Variants in TXNDC16 observed in about 807,000 individuals in gnomAD.
TXNDC16 encodes the protein thioredoxin domain-containing protein 16.
A neutral mutation model predicts 85.6 loss-of-function variants in TXNDC16; 74 were observed. The ratio of observed to expected loss-of-function variants is 0.86; its 90% CI spans 0.72 to 1.05. TXNDC16 has a LOEUF of 1.05. Ranked by LOEUF, TXNDC16 falls within the 50% of genes least tolerant of loss-of-function variation. TXNDC16 has a pLI of 0.00. For missense variants in TXNDC16, 959 were observed against 947.0 expected (o/e 1.01, Z -0.17); for synonymous variants, 335 against 326.5 (o/e 1.03, Z -0.28).
At chr14:52,530,259 A>ATAATAATATATATATTATTATATAC in intron 6 of TXNDC16, among the ~76,000 whole-genome samples, 1 of 26,420 alleles carries the variant, frequency 3.8e-5, no homozygotes, top group Admixed American at 8.4e-4. Context: ...TATATATTAT[A>ATAATAATATATATATTATTATATAC]TAATATATAT....
intron 16 of TXNDC16, among the ~76,000 whole-genome samples, chr14:52,465,590 T>G (rs2035755193): frequency 1.0e-5 from 1 of 96,098 alleles, no homozygotes; most frequent in Admixed American, 1.3e-4. Context: ...AGACTCCATC[T>G]CAAAAAAAAA....
At chr14:52,450,450 A>AG (rs928398810) in intron 18 of TXNDC16, among the ~76,000 whole-genome samples, 5 of 141,138 alleles carry the variant, frequency 3.5e-5, no homozygotes, top group African/African-American at 1.1e-4. Flanking sequence ...AAAGGCTTCC[A>AG]GAAAAAAAAA....
At position 52,455,412 on chromosome 14, in the gene TXNDC16, G is replaced by C. The variant is rs1186277277; in HGVS notation, c.1754C>G (p.Thr585Arg). Reference protein sequence around the residue: ...SLPALLLARHTEGKIESIPLA... With the variant: ...SLPALLLARHREGKIESIPLA... ...TGGGATGCTCTCTATTTTGCCTTCT[G>C]TGTGTCTGGCAAGCAGCAGGGCTGG... Residue 585 changes from threonine to arginine, a missense_variant, in exon 18 of 21, where the codon ACA (threonine) becomes AGA (arginine). By Grantham distance (71) the Thr-to-Arg change is moderately conservative. Coordinates refer to ENST00000281741, the MANE Select transcript of TXNDC16 (RefSeq NM_020784.3). 1 of 1,614,014 alleles carries C rather than the reference G, an allele frequency of 6.2e-7. No homozygotes were observed. The highest frequency in any genetic ancestry group is 8.5e-7 in the Non-Finnish European group (1 of 1,179,934).
chr14:52,506,883 TCAA>T (rs2140176439), intron 9 of TXNDC16, among the ~76,000 whole-genome samples: 1 of 150,814 alleles, frequency 6.6e-6, no homozygotes, highest in South Asian at 2.1e-4. Flanking sequence ...CTAAAAACTC[TCAA>T]CAACTTAGGT....
At chr14:52,441,799 T>C (rs1378620712) in intron 18 of TXNDC16, among the ~76,000 whole-genome samples, 1 of 152,170 alleles carries the variant, frequency 6.6e-6, no homozygotes, top group African/African-American at 2.4e-5. Context: ...GCACTCTTTT[T>C]ATCTTAGAAA....
chr14:52,505,836 A>G (rs1238697444), intron 9 of TXNDC16, among the ~76,000 whole-genome samples: 2 of 152,198 alleles, frequency 1.3e-5, no homozygotes, highest in Non-Finnish European at 2.9e-5. Context: ...CAAGACTAAT[A>G]AAGAAGAAAA....
chr14:52,551,205 A>G (rs1179879778), intron 1 of TXNDC16, among the ~76,000 whole-genome samples: 1 of 152,024 alleles, frequency 6.6e-6, no homozygotes, highest in Admixed American at 6.6e-5. Flanking sequence ...TAGACTTTAA[A>G]GTTCCCTGTG....
At position 52,495,062 on chromosome 14, in the gene TXNDC16, G is replaced by A. The variant is rs562370510; in HGVS notation, c.757-4057C>T. On this transcript the variant is annotated intron_variant, in intron 9 of 20. Transcript: ENST00000281741. Reference sequence around the variant, plus strand: ...GCCACAGAAACAAATGAGATCACTTGAGGGGTGTGCTTTGAGCAACTATCA... The same window carrying A: ...GCCACAGAAACAAATGAGATCACTTAAGGGGTGTGCTTTGAGCAACTATCA... Among the ~76,000 whole-genome samples the A allele has an allele frequency of 1.4e-4, 22 of 152,318 alleles. No homozygotes were observed. The South Asian group carries it at 4.6e-3, about 32-fold the overall frequency.
rs138453768 is a variant in TXNDC16 at position 52,539,507 on chromosome 14, T to C, written c.244-1835A>G. Among the ~76,000 whole-genome samples, 191 of 152,292 alleles carry C rather than the reference T, an allele frequency of 1.3e-3. 1 individual carries two copies. The highest frequency in any genetic ancestry group is 4.3e-3 in the African/African-American group (178 of 41,576). On this transcript the variant is annotated intron_variant, in intron 4 of 20. Coordinates refer to ENST00000281741, the MANE Select transcript of TXNDC16 (RefSeq NM_020784.3). ...CTCAAAAGTTTCTATTTGATCATAA[T>C]TGGAATGAAAGGACTTTCGCAGCAT...
At chr14:52,491,054 AT>A in intron 9 of TXNDC16, 49 bp from the exon 10 acceptor site, 1 of 1,536,044 alleles carries the variant, frequency 6.5e-7, no homozygotes, top group Non-Finnish European at 8.7e-7. Context: ...ATATTCCAAC[AT>A]TTGGATTTAA....
Position 52,490,905 on chromosome 14 carries a change from T to C in TXNDC16, c.857A>G (p.Asp286Gly). 1 of 1,613,524 alleles carries C rather than the reference T, an allele frequency of 6.2e-7. No homozygotes were observed. Among genetic ancestry groups the C allele is most frequent in the Admixed American group, 1.7e-5 (1 of 59,928 alleles). The change falls in exon 10 of 21, where the codon GAT becomes GGT. Residue 286 changes from aspartate (D) to glycine (G), a missense_variant. Physicochemically the swap from Asp to Gly is moderately conservative, Grantham distance 94 (BLOSUM62 -1). Coordinates refer to ENST00000281741, the MANE Select transcript of TXNDC16 (RefSeq NM_020784.3). ...IVSQQATYEA[D>G]RRTAEWVAWR... ...AGCAACCCATTCTGCAGTTCTTCTA[T>C]CAGCTTCATAAGTAGCCTGTTGGCT...
intron 14 of TXNDC16, among the ~76,000 whole-genome samples, chr14:52,474,550 C>T (rs2140136562): frequency 6.6e-6 from 1 of 152,070 alleles, no homozygotes; most frequent in East Asian, 1.9e-4. Flanking sequence ...TGAGACCAGC[C>T]TGGACGCTGT....
chr14:52,507,608 C>G (rs962477361), intron 9 of TXNDC16, among the ~76,000 whole-genome samples: 1 of 152,178 alleles, frequency 6.6e-6, no homozygotes, highest in Non-Finnish European at 1.5e-5. Flanking sequence ...ATTGCCAAGT[C>G]AATCCTAAGT....
At chr14:52,486,156 T>C (rs1399597483) in intron 12 of TXNDC16, among the ~76,000 whole-genome samples, 1 of 152,114 alleles carries the variant, frequency 6.6e-6, no homozygotes, top group Admixed American at 6.6e-5. Context: ...TGTTTCTTTT[T>C]CCTCCTTTCC....
chr14:52,439,119 C>T (rs2035103551), intron 20 of TXNDC16, 85 bp downstream of exon 20: 2 of 1,352,786 alleles, frequency 1.5e-6, no homozygotes, highest in Non-Finnish European at 1.0e-6. Context: ...ATAACTCATC[C>T]TACCATTCTT....
Position 52,543,435 on chromosome 14 carries a change from T to C in TXNDC16, c.123A>G (p.Gln41=), listed in dbSNP as rs144106844. 14 of 1,612,298 alleles carry C rather than the reference T, an allele frequency of 8.7e-6. No homozygotes were observed. Among genetic ancestry groups the C allele is most frequent in the Admixed American group, 1.7e-5 (1 of 59,722 alleles). The change falls in exon 3 of 21, where the codon CAA becomes CAG. Residue 41 remains glutamine, a synonymous_variant. Coordinates refer to ENST00000281741, the MANE Select transcript of TXNDC16 (RefSeq NM_020784.3). ...AATAAGCTAAAGAGGCTTTTCCTGG[T>C]TGCAATGTACTAAAATATTTCTGAG... The part of the protein sequence containing the change: ...LSPQKYFSTL[Q]PGKASLAYFC...
intron 6 of TXNDC16, among the ~76,000 whole-genome samples, chr14:52,531,275 T>G (rs2037573292): frequency 1.3e-5 from 2 of 152,148 alleles, no homozygotes; most frequent in Non-Finnish European, 2.9e-5. Flanking sequence ...TTTATAAAAC[T>G]AAACATAATC....
intron 18 of TXNDC16, among the ~76,000 whole-genome samples, chr14:52,443,133 C>G (rs2035203594): frequency 6.6e-6 from 1 of 151,990 alleles, no homozygotes; most frequent in Admixed American, 6.6e-5. Flanking sequence ...AAGGCAGACC[C>G]ACCTTAATCT....
At chr14:52,497,479 C>T (rs189873379) in intron 9 of TXNDC16, among the ~76,000 whole-genome samples, 1 of 152,168 alleles carries the variant, frequency 6.6e-6, no homozygotes, top group East Asian at 1.9e-4. Context: ...TTTTATGAGG[C>T]CAGCATTATC....
Sources: gnomAD v4.1 joint callset for allele counts (sites outside exome capture counted in the v4.1 genomes callset) on GRCh38, gnomAD v4.1.1 for gene constraint, MANE v1.5 for transcripts, NCBI Gene and HGNC (gene_info 2026-07-23, HGNC 2026-07-21) for gene names.